The following ZNRF3 variants were observed in gnomAD, a reference collection of about 807,000 sequenced individuals.
ZNRF3 encodes zinc and ring finger 3, also known as E3 ubiquitin-protein ligase ZNRF3.
ZNRF3 carries 23 observed loss-of-function variants against 72.5 expected under a neutral mutation model. The ratio of observed to expected loss-of-function variants is 0.32; its 90% CI spans 0.23 to 0.45. The LOEUF is 0.45. Ranked by LOEUF, ZNRF3 falls within the 20% of genes least tolerant of loss-of-function variation. The probability of loss-of-function intolerance (pLI) is 1.00; values close to 1 mark genes in which losing one functional copy is unlikely to be tolerated. For synonymous variants in ZNRF3, 610 were observed against 545.3 expected, an observed-to-expected ratio of 1.12 and a Z score of -1.65; for missense variants, 1,169 against 1,272.1, an observed-to-expected ratio of 0.92 and a Z score of 1.23.
chr22:28,936,564 T>C (rs1383449818), intron 1 of ZNRF3, among the ~76,000 whole-genome samples: 2 of 152,096 alleles, frequency 1.3e-5, no homozygotes, highest in Admixed American at 1.3e-4. Flanking sequence ...GGCCCCTGCT[T>C]CCTGGGCCCA....
intron 2 of ZNRF3, among the ~76,000 whole-genome samples, chr22:29,037,761 G>A (rs2036891762): frequency 6.6e-6 from 1 of 152,198 alleles, no homozygotes; most frequent in South Asian, 2.1e-4. Context: ...TGGGTTTCTG[G>A]TCACCTGCTG....
At chr22:28,998,523 T>G (rs1004430036) in intron 2 of ZNRF3, among the ~76,000 whole-genome samples, 8 of 152,062 alleles carry the variant, frequency 5.3e-5, no homozygotes, top group African/African-American at 1.9e-4. Flanking sequence ...AGCAAGAAAC[T>G]TAGTAAAGGA....
At chr22:28,916,153 C>T (rs2123764423) in intron 1 of ZNRF3, among the ~76,000 whole-genome samples, 1 of 152,322 alleles carries the variant, frequency 6.6e-6, no homozygotes, top group Admixed American at 6.5e-5. Context: ...CCTCCCCCTC[C>T]TGGGCTCAAG....
At chr22:29,040,182 C>T (rs2036935150) in intron 2 of ZNRF3, among the ~76,000 whole-genome samples, 1 of 151,666 alleles carries the variant, frequency 6.6e-6, no homozygotes, top group South Asian at 2.1e-4. Context: ...TGCACCCCCT[C>T]CCCCTTTTTT....
At chr22:28,999,000 T>C (rs956005557) in intron 2 of ZNRF3, among the ~76,000 whole-genome samples, 3 of 151,932 alleles carry the variant, frequency 2.0e-5, no homozygotes, top group Non-Finnish European at 4.4e-5. Context: ...ATGGTATGAC[T>C]GGCCAGCTGA....
rs907225759 is a variant in ZNRF3, at chr22:28,941,771, C to T, written c.301-45305C>T. 6.6e-5 allele frequency among the ~76,000 whole-genome samples: 10 copies of T among 151,980 alleles called. No homozygotes were observed. In the East Asian group the frequency reaches 9.7e-4, roughly 15 times the overall value. Reference sequence around the variant, plus strand: ...ACTAAAAATACAAAAATTAGCTGGGCGTGGTGGCGCATGCCTGTAATCCCA... The same window carrying T: ...ACTAAAAATACAAAAATTAGCTGGGTGTGGTGGCGCATGCCTGTAATCCCA... On this transcript the variant is annotated intron_variant, in intron 1 of 8. Transcript: ENST00000544604.
chr22:28,931,308 G>A (rs1164459872), intron 1 of ZNRF3, among the ~76,000 whole-genome samples: 3 of 151,868 alleles, frequency 2.0e-5, no homozygotes, highest in Non-Finnish European at 4.4e-5. Flanking sequence ...CCTTTTTTGT[G>A]GAACTTCATG....
At chr22:28,901,932 CT>C (rs398036773) in intron 1 of ZNRF3, among the ~76,000 whole-genome samples, 16,232 of 112,932 alleles carry the variant, frequency 0.14, 721 homozygotes, top group East Asian at 0.4. Context: ...TTTAAGTTAA[CT>C]TTTTTTTTTT....
intron 1 of ZNRF3, 60 bp from the exon 2 acceptor site, chr22:28,987,016 T>A (rs1415384205): frequency 1.3e-6 from 2 of 1,569,922 alleles, no homozygotes; most frequent in Non-Finnish European, 1.7e-6. Flanking sequence ...AAATACACAA[T>A]ATGAGTCAAG....
chr22:28,904,534 C>T (rs956096048), intron 1 of ZNRF3, among the ~76,000 whole-genome samples: 20 of 152,170 alleles, frequency 1.3e-4, no homozygotes, highest in African/African-American at 2.2e-4. Context: ...TTAACAGGAC[C>T]GCCTTTGATG....
Position 28,883,773 on chromosome 22 carries a change from C to T in ZNRF3, c.7C>T (p.Pro3Ser). The change falls in exon 1 of 9, where the codon CCG becomes TCG. Residue 3 changes from proline (P) to serine (S), a missense_variant. Coordinates refer to ENST00000544604, the MANE Select transcript of ZNRF3 (RefSeq NM_001206998.2). The surrounding 1 kb of genome is among the most constrained non-coding windows in gnomAD (Gnocchi z 5.5). MR[P>S]RSGGRPGATG... ...GCCCTCCCGCCGCAGGACCATGAGG[C>T]CGCGCTCGGGCGGGCGCCCAGGGGC... 2.0e-6 allele frequency: 2 copies of T among 979,648 alleles called. No individual in the cohort carries two copies. The highest frequency in any genetic ancestry group is 2.4e-6 in the Non-Finnish European group (2 of 827,338). The allele number at this position is 979,648 out of a possible 1,614,324, so 60.7% of individuals were successfully genotyped here. A position where few individuals can be genotyped will look rare whatever the true frequency, so the allele number is the denominator to read the frequency against.
At chr22:29,042,646 G>C in intron 3 of ZNRF3, 77 bp downstream of exon 3, 1 of 1,296,868 alleles carries the variant, frequency 7.7e-7, no homozygotes, top group Non-Finnish European at 1.1e-6. Context: ...GCTTGTCCCG[G>C]TCATGTCACC....
At chr22:28,933,116 T>G (rs2034740697) in intron 1 of ZNRF3, among the ~76,000 whole-genome samples, 2 of 152,250 alleles carry the variant, frequency 1.3e-5, no homozygotes, top group African/African-American at 4.8e-5. Flanking sequence ...AAACCTGTAT[T>G]TTAATAGCTT....
At chr22:28,892,505 C>A (rs2033908975) in intron 1 of ZNRF3, among the ~76,000 whole-genome samples, 1 of 152,166 alleles carries the variant, frequency 6.6e-6, no homozygotes, top group East Asian at 1.9e-4. Flanking sequence ...AGAGAGGTGC[C>A]TTTATACCTT....
At chr22:28,971,023 A>G (rs749571839) in intron 1 of ZNRF3, among the ~76,000 whole-genome samples, 4 of 152,102 alleles carry the variant, frequency 2.6e-5, no homozygotes, top group East Asian at 1.9e-4. Flanking sequence ...AAACACCTCA[A>G]TTAAGTCTGT....
At chr22:29,039,618 T>C (rs2036922486) in intron 2 of ZNRF3, among the ~76,000 whole-genome samples, 1 of 151,862 alleles carries the variant, frequency 6.6e-6, no homozygotes, top group Non-Finnish European at 1.5e-5. Context: ...ATCCATGAGC[T>C]GTTGGCCTCT....
At chr22:28,943,733 G>T (rs1465732746) in intron 1 of ZNRF3, among the ~76,000 whole-genome samples, 1 of 152,122 alleles carries the variant, frequency 6.6e-6, no homozygotes, top group Non-Finnish European at 1.5e-5. Flanking sequence ...TTGTGTGTTG[G>T]CACTAAACTT....
At chr22:28,968,861 G>A (rs966946681) in intron 1 of ZNRF3, among the ~76,000 whole-genome samples, 10 of 152,122 alleles carry the variant, frequency 6.6e-5, no homozygotes, top group African/African-American at 2.2e-4. Context: ...GTCAGAGTTC[G>A]TTTGGAGGAA....
intron 2 of ZNRF3, among the ~76,000 whole-genome samples, chr22:29,020,500 A>G (rs1050286866): frequency 3.3e-5 from 5 of 151,708 alleles, no homozygotes; most frequent in African/African-American, 1.2e-4. Context: ...GACTCAGGCA[A>G]TCCATCCGCC....
Sources: gnomAD v4.1 joint callset for allele counts (sites outside exome capture counted in the v4.1 genomes callset) on GRCh38, gnomAD v4.1.1 for gene constraint, Gnocchi (gnomAD v3.1) non-coding constraint, MANE v1.5 for transcripts, NCBI Gene and HGNC (gene_info 2026-07-23, HGNC 2026-07-21) for gene names.